The following INPP4B variants were observed in gnomAD, a reference collection of about 807,000 sequenced individuals.
INPP4B encodes the protein inositol polyphosphate 4-phosphatase type II.
INPP4B carries 55 observed loss-of-function variants against 122.5 expected under a neutral mutation model. That is an observed-to-expected ratio of 0.45 (90% CI 0.36 to 0.56). INPP4B has a LOEUF of 0.56. Among genes scored for constraint, INPP4B ranks in the 20% least tolerant of loss-of-function variants. INPP4B has a pLI of 0.00. For missense variants in INPP4B, 1,000 were observed against 1,097.7 expected (o/e 0.91, Z 1.26); for synonymous variants, 403 against 388.7 (o/e 1.04, Z -0.43).
chr4:142,100,769 G>T (rs1455604948), intron 23 of INPP4B, among the ~76,000 whole-genome samples: 1 of 152,084 alleles, frequency 6.6e-6, no homozygotes, highest in Non-Finnish European at 1.5e-5. Flanking sequence ...AGAGCATGAT[G>T]ATGAAGGGGC....
chr4:142,207,329 G>C (rs746039634), intron 14 of INPP4B, among the ~76,000 whole-genome samples: 4 of 152,098 alleles, frequency 2.6e-5, no homozygotes, highest in Non-Finnish European at 5.9e-5. Flanking sequence ...GGACCCTATC[G>C]TAGCTTTACT....
rs76416815 is a variant in INPP4B, at chr4:142,325,765, C to T, written c.373-11003G>A. On this transcript the variant is annotated intron_variant, in intron 7 of 25. Coordinates refer to ENST00000262992, the MANE Select transcript of INPP4B (RefSeq NM_001101669.3). ...AACTTCTAATTTCTCTATATGAATGCGCCATTATACTAAATTCTACCAGTC... is the reference window on the plus strand; with the variant it reads ...AACTTCTAATTTCTCTATATGAATGTGCCATTATACTAAATTCTACCAGTC... Among the ~76,000 whole-genome samples the T allele has an allele frequency of 4.3e-3, 651 of 152,228 alleles. 8 individuals carry two copies. Among genetic ancestry groups the T allele is most frequent in the African/African-American group, 0.014 (597 of 41,532 alleles).
chr4:142,239,907 T>C (rs1373361076), intron 11 of INPP4B, among the ~76,000 whole-genome samples: 2 of 152,110 alleles, frequency 1.3e-5, no homozygotes, highest in African/African-American at 2.4e-5. Flanking sequence ...CACAGAACTT[T>C]TGTATCTCCT....
At chr4:142,427,550 C>A in intron 5 of INPP4B, 2 of 587,688 alleles carry the variant, frequency 3.4e-6, no homozygotes, top group South Asian at 4.3e-5. Flanking sequence ...ATAGTTAGGT[C>A]TTTGAACAAG....
At chr4:142,252,281 C>T (rs950745985) in intron 11 of INPP4B, among the ~76,000 whole-genome samples, 19 of 150,900 alleles carry the variant, frequency 1.3e-4, no homozygotes, top group Middle Eastern at 3.4e-3. Flanking sequence ...CTCCGCCTCC[C>T]GGGTTCACGC....
At chr4:142,141,244 C>T (rs553801351) in intron 18 of INPP4B, among the ~76,000 whole-genome samples, 1 of 152,246 alleles carries the variant, frequency 6.6e-6, no homozygotes, top group African/African-American at 2.4e-5. Context: ...AAAGAGTTTT[C>T]TATAACTGAA....
chr4:142,555,313 T>C (rs778167350), intron 2 of INPP4B, among the ~76,000 whole-genome samples: 1 of 152,096 alleles, frequency 6.6e-6, no homozygotes, highest in Non-Finnish European at 1.5e-5. Flanking sequence ...AAAGATACCA[T>C]ATTTAGAAAG....
chr4:142,277,822 A>G (rs1012141132), intron 9 of INPP4B, among the ~76,000 whole-genome samples: 1 of 151,890 alleles, frequency 6.6e-6, no homozygotes, highest in Non-Finnish European at 1.5e-5. Context: ...AAAACCAAAC[A>G]TCGTATGTTC....
intron 1 of INPP4B, among the ~76,000 whole-genome samples, chr4:142,838,193 C>T (rs528204645): frequency 6.6e-6 from 1 of 152,072 alleles, no homozygotes; most frequent in Admixed American, 6.6e-5. Context: ...CACACACACA[C>T]ATATCTAAAC....
intron 2 of INPP4B, among the ~76,000 whole-genome samples, chr4:142,524,736 T>C (rs1165998007): frequency 1.3e-5 from 2 of 152,070 alleles, no homozygotes; most frequent in African/African-American, 4.8e-5. Context: ...CGGGACGTAT[T>C]TCAAAATAAT....
chr4:142,085,534 C>T (rs1012671778), intron 24 of INPP4B, among the ~76,000 whole-genome samples: 6 of 152,124 alleles, frequency 3.9e-5, no homozygotes, highest in East Asian at 1.9e-4. Context: ...CTTAAAAATA[C>T]AGGCTTTTTT....
chr4:142,795,529 T>C (rs1209269810), intron 1 of INPP4B: 1 of 152,040 alleles, frequency 6.6e-6, no homozygotes, highest in Non-Finnish European at 1.5e-5. Context: ...AAGTTCCTCT[T>C]AATGTCCTTG....
At chr4:142,503,360 C>T (rs983789832) in intron 2 of INPP4B, among the ~76,000 whole-genome samples, 2 of 151,932 alleles carry the variant, frequency 1.3e-5, no homozygotes, top group Admixed American at 6.6e-5. Context: ...TTTTAAAAAG[C>T]CTTTATCTTC....
intron 9 of INPP4B, among the ~76,000 whole-genome samples, chr4:142,281,930 C>T (rs1751396128): frequency 6.6e-6 from 1 of 151,924 alleles, no homozygotes; most frequent in Non-Finnish European, 1.5e-5. Context: ...GTCAAAATTA[C>T]AGAAAATACT....
intron 2 of INPP4B, among the ~76,000 whole-genome samples, chr4:142,600,822 A>C (rs1739733074): frequency 6.6e-6 from 1 of 152,204 alleles, no homozygotes; most frequent in South Asian, 2.1e-4. Context: ...ATAGAGGCAC[A>C]TATAAAGTAA....
chr4:142,622,348 C>G (rs1191105589), intron 2 of INPP4B, among the ~76,000 whole-genome samples: 1 of 151,678 alleles, frequency 6.6e-6, no homozygotes, highest in Non-Finnish European at 1.5e-5. Flanking sequence ...AGTCCCCATC[C>G]CTTAACCTCT....
chr4:142,269,868 C>T (rs534162489), intron 10 of INPP4B, among the ~76,000 whole-genome samples: 29 of 152,154 alleles, frequency 1.9e-4, no homozygotes, highest in Admixed American at 1.1e-3. Context: ...TTTTAAAATG[C>T]TCATTTATTA....
chr4:142,731,889 C>A (rs1436729977), intron 1 of INPP4B, among the ~76,000 whole-genome samples: 1 of 152,076 alleles, frequency 6.6e-6, no homozygotes, highest in African/African-American at 2.4e-5. Context: ...TCTCAATAGC[C>A]AATACCTGGT....
intron 1 of INPP4B, among the ~76,000 whole-genome samples, chr4:142,772,440 T>C (rs1773229441): frequency 6.6e-6 from 1 of 152,104 alleles, no homozygotes; most frequent in Admixed American, 6.6e-5. Flanking sequence ...GAACAATCTG[T>C]GAACAATCTG....
Sources: gnomAD v4.1 joint callset for allele counts (sites outside exome capture counted in the v4.1 genomes callset) on GRCh38, gnomAD v4.1.1 for gene constraint, MANE v1.5 for transcripts, NCBI Gene and HGNC (gene_info 2026-07-23, HGNC 2026-07-21) for gene names.